The following GPC5 variants were observed in gnomAD, a reference collection of about 807,000 sequenced individuals.
The protein encoded by GPC5 is glypican 5.
Under a neutral mutation model 53.9 loss-of-function variants are expected in GPC5, and 47 were observed. That is an observed-to-expected ratio of 0.87 (90% CI 0.69 to 1.11). GPC5 has a LOEUF of 1.11. Ranked by LOEUF, GPC5 falls within the 50% of genes most tolerant of loss-of-function variation. The pLI, the probability that GPC5 is intolerant of heterozygous loss-of-function variation, is 0.00. For missense variants in GPC5, 748 were observed against 713.1 expected (o/e 1.05, Z -0.56); for synonymous variants, 286 against 263.3 (o/e 1.09, Z -0.84).
At chr13:92,421,284 T>A (rs1302007046) in intron 7 of GPC5, among the ~76,000 whole-genome samples, 1 of 151,482 alleles carries the variant, frequency 6.6e-6, no homozygotes, top group Admixed American at 6.6e-5. Context: ...CTGACTGGAG[T>A]GGAGAAAAGG....
intron 7 of GPC5, among the ~76,000 whole-genome samples, chr13:92,412,904 G>A (rs1378967247): frequency 6.6e-6 from 1 of 152,088 alleles, no homozygotes; most frequent in Non-Finnish European, 1.5e-5. Flanking sequence ...GGCAGTTGCT[G>A]GTAAGAAATA....
At chr13:91,466,660 G>A (rs1882258019) in intron 2 of GPC5, among the ~76,000 whole-genome samples, 1 of 152,040 alleles carries the variant, frequency 6.6e-6, no homozygotes, top group Non-Finnish European at 1.5e-5. Flanking sequence ...ATAGAGAGCA[G>A]AGGAGAAAGA....
chr13:92,054,091 G>A (rs1482293731), intron 6 of GPC5, among the ~76,000 whole-genome samples: 2 of 149,210 alleles, frequency 1.3e-5, no homozygotes, highest in Admixed American at 1.3e-4. Context: ...ACTTATAGAG[G>A]CAGGAATGGA....
chr13:92,017,555 G>A lies in GPC5; in HGVS notation c.1401+109498G>A, dbSNP rs141004769. 2.5e-3 allele frequency among the ~76,000 whole-genome samples: 381 copies of A among 152,138 alleles called. 6 individuals are homozygous for A. The highest frequency in any genetic ancestry group is 5.6e-3 in the African/African-American group (231 of 41,486). On this transcript the variant is annotated intron_variant, in intron 6 of 7. Coordinates refer to ENST00000377067, the MANE Select transcript of GPC5 (RefSeq NM_004466.6). ...TCCCCACCTTTCTGAGAGCTGGTCGGTCAACTCACATTTTTAAAGTTCCAA... is the reference window on the plus strand; with the variant it reads ...TCCCCACCTTTCTGAGAGCTGGTCGATCAACTCACATTTTTAAAGTTCCAA...
chr13:92,501,842 C>A (rs770594091), intron 7 of GPC5, among the ~76,000 whole-genome samples: 1 of 152,010 alleles, frequency 6.6e-6, no homozygotes, highest in Non-Finnish European at 1.5e-5. Context: ...TCCCAGAATT[C>A]TAAATCATGT....
intron 2 of GPC5, among the ~76,000 whole-genome samples, chr13:91,549,478 G>A (rs1319536560): frequency 6.6e-6 from 1 of 152,068 alleles, no homozygotes; most frequent in Admixed American, 6.6e-5. Flanking sequence ...CTCAGACTGG[G>A]AGAAAATATT....
chr13:91,869,206 C>A (rs778364093), intron 5 of GPC5, among the ~76,000 whole-genome samples: 4 of 151,976 alleles, frequency 2.6e-5, no homozygotes, highest in Non-Finnish European at 5.9e-5. Flanking sequence ...ATTACAGGAA[C>A]CTGCCACCAC....
At chr13:92,157,230 T>G (rs1458994326) in intron 7 of GPC5, among the ~76,000 whole-genome samples, 1 of 152,150 alleles carries the variant, frequency 6.6e-6, no homozygotes, top group African/African-American at 2.4e-5. Context: ...TTGCAACAGA[T>G]GGAATGAAAT....
chr13:92,601,401 C>T (rs1282844140), intron 7 of GPC5, among the ~76,000 whole-genome samples: 2 of 151,298 alleles, frequency 1.3e-5, no homozygotes, highest in Non-Finnish European at 3.0e-5. Context: ...ACTAAAAATA[C>T]AAAATCAGCC....
At chr13:92,806,107 T>G (rs923025487) in intron 7 of GPC5, among the ~76,000 whole-genome samples, 4 of 152,132 alleles carry the variant, frequency 2.6e-5, no homozygotes, top group Non-Finnish European at 4.4e-5. Flanking sequence ...TTAACAACAT[T>G]CATCAAAAAT....
At chr13:91,986,008 G>A (rs1324714963) in intron 6 of GPC5, among the ~76,000 whole-genome samples, 1 of 147,412 alleles carries the variant, frequency 6.8e-6, no homozygotes, top group Non-Finnish European at 1.5e-5. Context: ...TACACTAGTA[G>A]TCAAAAAGTT....
At chr13:92,757,204 GA>G (rs759415586) in intron 7 of GPC5, among the ~76,000 whole-genome samples, 1 of 152,100 alleles carries the variant, frequency 6.6e-6, no homozygotes, top group Non-Finnish European at 1.5e-5. Flanking sequence ...TGATCTTTGA[GA>G]AACCTGACAA....
At chr13:92,194,633 T>G (rs1390967292) in intron 7 of GPC5, among the ~76,000 whole-genome samples, 1 of 152,244 alleles carries the variant, frequency 6.6e-6, no homozygotes, top group Non-Finnish European at 1.5e-5. Context: ...TCTGTGAATT[T>G]GGAAATCAGT....
intron 7 of GPC5, among the ~76,000 whole-genome samples, chr13:92,722,532 A>G (rs1888534348): frequency 6.6e-6 from 1 of 151,944 alleles, no homozygotes; most frequent in Non-Finnish European, 1.5e-5. Context: ...CTCAAACATG[A>G]GAGGAAGACA....
intron 7 of GPC5, among the ~76,000 whole-genome samples, chr13:92,396,400 A>C (rs1875272488): frequency 6.6e-6 from 1 of 151,332 alleles, no homozygotes; most frequent in Admixed American, 6.6e-5. Context: ...TTTTTTCATT[A>C]GTGCTTTTAA....
At chr13:92,580,939 C>G (rs1883349430) in intron 7 of GPC5, among the ~76,000 whole-genome samples, 1 of 151,976 alleles carries the variant, frequency 6.6e-6, no homozygotes. Context: ...ACCAAAGTTA[C>G]CTTTTTTAAT....
In GPC5 at chr13:91,975,363, C is replaced by T. The variant is rs1174705933; in HGVS notation, c.1401+67306C>T. On this transcript the variant is annotated intron_variant, in intron 6 of 7. Coordinates refer to ENST00000377067, the MANE Select transcript of GPC5 (RefSeq NM_004466.6). The stretch of plus-strand genomic sequence containing the variant: ...ACAAAATGGGAGAAAATTTTTGCAA[C>T]CTACTCATCTGACAAAGGGCTAATA... Among the ~76,000 whole-genome samples, 17 of 152,022 alleles carry T rather than the reference C, an allele frequency of 1.1e-4. No homozygotes were observed. In the East Asian group the frequency reaches 2.3e-3, roughly 21 times the overall value.
intron 1 of GPC5, among the ~76,000 whole-genome samples, chr13:91,444,644 TTCTC>T (rs751358171): frequency 1.3e-5 from 2 of 152,176 alleles, no homozygotes; most frequent in African/African-American, 2.4e-5. Context: ...GGGCTAGACT[TTCTC>T]TATGTGTCTT....
chr13:92,032,136 C>G (rs2040857323), intron 6 of GPC5, among the ~76,000 whole-genome samples: 1 of 146,384 alleles, frequency 6.8e-6, no homozygotes, highest in African/African-American at 2.5e-5. Context: ...TTCACAGCAA[C>G]CTGGATGGAA....
Sources: gnomAD v4.1 joint callset for allele counts (sites outside exome capture counted in the v4.1 genomes callset) on GRCh38, gnomAD v4.1.1 for gene constraint, MANE v1.5 for transcripts, NCBI Gene and HGNC (gene_info 2026-07-23, HGNC 2026-07-21) for gene names.